The following PACRGL variants were observed in gnomAD, a reference collection of about 807,000 sequenced individuals.
PACRGL encodes the protein parkin coregulated like.
PACRGL carries 38 observed loss-of-function variants against 34.5 expected under a neutral mutation model. The observed-to-expected ratio is 1.10, with a 90% CI of 0.85 to 1.44. The LOEUF (loss-of-function observed/expected upper bound fraction) is 1.44. Ranked by LOEUF, PACRGL falls within the 40% of genes most tolerant of loss-of-function variation. The pLI is 0.00. For synonymous variants in PACRGL, 128 were observed against 100.1 expected, an observed-to-expected ratio of 1.28 and a Z score of -1.66; for missense variants, 305 against 281.4, an observed-to-expected ratio of 1.08 and a Z score of -0.60.
chr4:20,756,786 A>G (rs377405893), downstream of PACRGL, among the ~76,000 whole-genome samples: 1 of 151,956 alleles, frequency 6.6e-6, no homozygotes, highest in East Asian at 1.9e-4. Flanking sequence ...TGAACTATCT[A>G]TCTCTCTTGT....
At chr4:20,703,715 C>T (rs926989378) in intron 1 of PACRGL, among the ~76,000 whole-genome samples, 4 of 152,074 alleles carry the variant, frequency 2.6e-5, no homozygotes, top group Non-Finnish European at 5.9e-5. Flanking sequence ...TTTTATTTCC[C>T]TCTTTAAACA....
At chr4:20,696,857 T>G (rs1731264870), upstream of PACRGL, among the ~76,000 whole-genome samples, 1 of 152,240 alleles carries the variant, frequency 6.6e-6, no homozygotes, top group Non-Finnish European at 1.5e-5. Flanking sequence ...TTTGAAGACT[T>G]AGCACAAATA....
In PACRGL at chr4:20,724,128, G is replaced by A. The variant is rs1349556121; in HGVS notation, c.610-680G>A. On this transcript the variant is annotated intron_variant, in intron 7 of 8. Transcript: ENST00000503585. ...ATGCAAAATAAGCTATACCTTTTCT[G>A]AGCTGCAAATGTATGGGACTTTAAA... Among the ~76,000 whole-genome samples the A allele has an allele frequency of 3.3e-5, 5 of 152,218 alleles. No homozygotes were observed. In the East Asian group the frequency reaches 7.7e-4, roughly 24 times the overall value.
At chr4:20,762,946 C>G in the PACRGL span, among the ~76,000 whole-genome samples, 1 of 75,936 alleles carries the variant, frequency 1.3e-5, no homozygotes, top group Non-Finnish European at 2.3e-5. Flanking sequence ...ACCTTCTTCA[C>G]AAGGCAGCAA....
chr4:20,735,794 C>CA (rs1749489095), downstream of PACRGL, among the ~76,000 whole-genome samples: 2 of 152,164 alleles, frequency 1.3e-5, no homozygotes, highest in South Asian at 4.1e-4. Context: ...CGCCGCCTCT[C>CA]AAAGTGCTGG....
downstream of PACRGL, among the ~76,000 whole-genome samples, chr4:20,755,678 T>A (rs534087348): frequency 1.2e-4 from 19 of 152,184 alleles, no homozygotes; most frequent in East Asian, 3.9e-4. Context: ...ATGGGGAATG[T>A]TTAAGGTGTT....
At chr4:20,724,703 C>A in intron 7 of PACRGL, 105 bp from the exon 8 acceptor site, 1 of 497,542 alleles carries the variant, frequency 2.0e-6, no homozygotes, top group Non-Finnish European at 3.3e-6. Flanking sequence ...CTAAAAAAAG[C>A]CTTGAAATCT....
the PACRGL span, among the ~76,000 whole-genome samples, chr4:20,764,994 G>A: frequency 1.8e-4 from 28 of 152,148 alleles, no homozygotes; most frequent in African/African-American, 6.8e-4. Flanking sequence ...TAGACATGAG[G>A]ACAATGAGCT....
chr4:20,718,360 A>C (rs949094321), intron 7 of PACRGL, among the ~76,000 whole-genome samples: 1 of 152,128 alleles, frequency 6.6e-6, no homozygotes, highest in Non-Finnish European at 1.5e-5. Flanking sequence ...AGAACTTCCA[A>C]CACTATGTTG....
rs56209007 is a variant in PACRGL at position 20,743,920 on chromosome 4, G to GA, written c.*57-8634dup. On this transcript the variant is annotated intron_variant, in intron 8 of 8. Coordinates refer to the PACRGL transcript ENST00000507634. The stretch of plus-strand genomic sequence containing the variant: ...ATCTACAAAGAAATTAAATTTACAA[G>GA]AAAAAAAAAAACCCTTCAAAAAGTG... Among the ~76,000 whole-genome samples the GA allele has an allele frequency of 3.1e-3, 439 of 141,802 alleles. 1 individual carries two copies. The highest frequency in any genetic ancestry group is 9.2e-3 in the African/African-American group (354 of 38,514). 93.0% of individuals were successfully genotyped at this position (141,802 alleles called of 152,430 possible). A position where few individuals can be genotyped will look rare whatever the true frequency, so the allele number is the denominator to read the frequency against.
At chr4:20,706,283 T>C (rs1734432582) in intron 3 of PACRGL, among the ~76,000 whole-genome samples, 1 of 152,130 alleles carries the variant, frequency 6.6e-6, no homozygotes, top group South Asian at 2.1e-4. Flanking sequence ...ATTTAGTCTT[T>C]GTGGGTATAT....
chr4:20,760,703 G>A, the PACRGL span, among the ~76,000 whole-genome samples: 1 of 152,156 alleles, frequency 6.6e-6, no homozygotes, highest in Non-Finnish European at 1.5e-5. Context: ...TACACACTAA[G>A]CCAGTGGGGA....
downstream of PACRGL, among the ~76,000 whole-genome samples, chr4:20,737,080 C>T (rs142851520): frequency 6.6e-6 from 1 of 152,264 alleles, no homozygotes; most frequent in Admixed American, 6.5e-5. Context: ...ATATATGGTG[C>T]TGTGGCAACT....
chr4:20,727,199 C>T (rs1746107702), intron 8 of PACRGL, 86 bp from the exon 9 acceptor site: 1 of 1,213,186 alleles, frequency 8.2e-7, no homozygotes, highest in Non-Finnish European at 1.2e-6. Context: ...GTTTTAGATA[C>T]TTTCTAGGCA....
chr4:20,750,739 C>G (rs1415406286), intron 8 of PACRGL, among the ~76,000 whole-genome samples: 1 of 152,072 alleles, frequency 6.6e-6, no homozygotes, highest in Non-Finnish European at 1.5e-5. Context: ...TTATTATTTT[C>G]AGTGTTGCAT....
chr4:20,759,400 C>T, the PACRGL span, among the ~76,000 whole-genome samples: 1 of 152,164 alleles, frequency 6.6e-6, no homozygotes, highest in Non-Finnish European at 1.5e-5. Flanking sequence ...ATACCCAAGA[C>T]ATGGTTTTGT....
chr4:20,729,699 C>CCATT lies in PACRGL; in HGVS notation c.*2361_*2364dup, dbSNP rs563555747. 3.6e-4 allele frequency: 59 copies of CCATT among 162,588 alleles called. 1 individual carries two copies. In the East Asian group the frequency reaches 9.6e-3, roughly 27 times the overall value. 10.1% of individuals were successfully genotyped at this position (162,588 alleles called of 1,614,324 possible). On this transcript the variant is annotated 3_prime_UTR_variant, in exon 9 of 9. Coordinates refer to ENST00000503585, the MANE Select transcript of PACRGL (RefSeq NM_001258345.3). ...ATGCAGATGTCACTATATTAGAAAA[C>CCATT]CATTCAAAATCCTAGGACTGAATAC...
At chr4:20,720,365 T>C (rs1742429055) in intron 7 of PACRGL, among the ~76,000 whole-genome samples, 1 of 152,236 alleles carries the variant, frequency 6.6e-6, no homozygotes. Flanking sequence ...AATCTGATCC[T>C]GTCATTATGA....
In PACRGL at chr4:20,708,011, G is replaced by A. The variant is rs972885697; in HGVS notation, c.275+141G>A. The A allele has an allele frequency of 2.6e-5, 18 of 682,142 alleles. No homozygotes were observed. The Admixed American group carries it at 3.2e-4, about 12-fold the overall frequency. 42.3% of individuals were successfully genotyped at this position (682,142 alleles called of 1,614,324 possible). A position where few individuals can be genotyped will look rare whatever the true frequency, so the allele number is the denominator to read the frequency against. ...GATGACTTTATTCACACTTTCTTTT[G>A]GACTGGTATAGATTCCTGGATGTTG... On this transcript the variant is annotated intron_variant, in intron 4 of 8. Transcript: ENST00000503585.
Sources: allele counts gnomAD v4.1 joint callset (sites outside exome capture counted in the v4.1 genomes callset), GRCh38; gene constraint gnomAD v4.1.1; transcripts MANE v1.5; gene names NCBI Gene and HGNC (gene_info 2026-07-23, HGNC 2026-07-21).